The following DNAH14 variants were observed in gnomAD, a reference collection of about 807,000 sequenced individuals.
DNAH14 encodes axonemal beta dynein heavy chain 14.
A neutral mutation model predicts 520.9 loss-of-function variants in DNAH14; 478 were observed. The observed-to-expected ratio is 0.92, with a 90% confidence interval of 0.85 to 0.99. The LOEUF is 0.99. Among genes scored for constraint, DNAH14 ranks in the 50% least tolerant of loss-of-function variants. The probability of loss-of-function intolerance (pLI) is 0.00; values close to 1 mark genes in which losing one functional copy is unlikely to be tolerated. For missense variants in DNAH14, 4,831 were observed against 5,234.5 expected (o/e 0.92, Z 2.38); for synonymous variants, 1,581 against 1,757.2 (o/e 0.90, Z 2.51).
Position 225,374,578 on chromosome 1 carries a change from T to A in DNAH14, c.12319-110T>A, listed in dbSNP as rs185061114. On this transcript the variant is annotated intron_variant, in intron 77 of 85. Transcript: ENST00000682510. ...ACCTGGCCTATTTCTATATATTTTT[T>A]AAAGAGAAAATATATGTAGCTGTTT... The A allele has an allele frequency of 4.4e-3, 4,701 of 1,057,258 alleles. 15 individuals are homozygous for A. The highest frequency in any genetic ancestry group is 0.012 in the Middle Eastern group (43 of 3,490). 65.5% of individuals were successfully genotyped at this position (1,057,258 alleles called of 1,614,324 possible). A position where few individuals can be genotyped will look rare whatever the true frequency, so the allele number is the denominator to read the frequency against.
chr1:225,259,382 TAAG>T (rs1291164517), intron 46 of DNAH14, 129 bp downstream of exon 46: 3 of 663,438 alleles, frequency 4.5e-6, no homozygotes, highest in South Asian at 4.9e-5. Flanking sequence ...AAAGAGGAGA[TAAG>T]AAGAAAATCC....
intron 27 of DNAH14, among the ~76,000 whole-genome samples, chr1:225,131,553 C>G (rs953418070): frequency 2.0e-5 from 3 of 152,074 alleles, no homozygotes; most frequent in Non-Finnish European, 4.4e-5. Context: ...TACATTTGAC[C>G]CACCCAGATA....
intron 17 of DNAH14, among the ~76,000 whole-genome samples, chr1:225,064,025 G>C (rs2070537998): frequency 6.6e-6 from 1 of 152,028 alleles, no homozygotes; most frequent in African/African-American, 2.4e-5. Flanking sequence ...TTTGGATTTT[G>C]TGTATCTAAC....
At chr1:225,340,785 C>T in intron 69 of DNAH14, 84 bp downstream of exon 69, 2 of 1,384,776 alleles carry the variant, frequency 1.4e-6, no homozygotes, top group South Asian at 3.1e-5. Context: ...TGAATTTGAG[C>T]CAAAAATACC....
chr1:225,103,603 C>T (rs1302008748), intron 23 of DNAH14, among the ~76,000 whole-genome samples: 7 of 152,180 alleles, frequency 4.6e-5, no homozygotes, highest in African/African-American at 1.7e-4. Context: ...AGAGGTCCTT[C>T]ACGTCCCTTG....
chr1:225,318,545 G>A, intron 60 of DNAH14, 38 bp from the exon 61 acceptor site: 3 of 1,488,214 alleles, frequency 2.0e-6, no homozygotes, highest in Non-Finnish European at 2.7e-6. Flanking sequence ...CAACTATATT[G>A]ATTCATATGT....
chr1:225,162,974 T>A (rs1402771935), intron 35 of DNAH14, among the ~76,000 whole-genome samples: 1 of 151,572 alleles, frequency 6.6e-6, no homozygotes, highest in East Asian at 1.9e-4. Flanking sequence ...TTGTCTATAC[T>A]AAAAATACAA....
At chr1:224,934,490 T>A in intron 1 of DNAH14, among the ~76,000 whole-genome samples, 1 of 149,988 alleles carries the variant, frequency 6.7e-6, no homozygotes, top group Admixed American at 6.6e-5. Flanking sequence ...TCAGAAAAAA[T>A]AAAGAAAAAA....
intron 79 of DNAH14, among the ~76,000 whole-genome samples, chr1:225,378,875 G>A (rs1388559892): frequency 1.5e-4 from 4 of 26,734 alleles, no homozygotes; most frequent in Admixed American, 5.0e-4. Context: ...GCAAAACTCC[G>A]TCCCAAAAAA....
chr1:225,223,638 G>A (rs1003151105), intron 41 of DNAH14, among the ~76,000 whole-genome samples: 10 of 152,206 alleles, frequency 6.6e-5, no homozygotes, highest in East Asian at 1.9e-4. Flanking sequence ...CCCCCATGGC[G>A]ATTCCTGAAG....
At chr1:225,154,798 C>T (rs1399337955) in intron 34 of DNAH14, among the ~76,000 whole-genome samples, 3 of 151,530 alleles carry the variant, frequency 2.0e-5, no homozygotes, top group African/African-American at 7.3e-5. Flanking sequence ...GACTCTAAAT[C>T]TAGAAGCCAC....
intron 8 of DNAH14, among the ~76,000 whole-genome samples, chr1:225,001,164 C>G (rs1353599883): frequency 6.6e-6 from 1 of 151,508 alleles, no homozygotes; most frequent in East Asian, 1.9e-4. Context: ...TCTTCAGCTT[C>G]AAGTCTGGGA....
rs140056899 is a variant in DNAH14 at position 225,215,893 on chromosome 1, G to A, written c.6439+8673G>A. ...TTTAATTCAAGCATTTAGCCCATTT[G>A]CATTTAAGATTAATATTGTTATGTG... On this transcript the variant is annotated intron_variant, in intron 41 of 85. Coordinates refer to ENST00000682510, the MANE Select transcript of DNAH14 (RefSeq NM_001367479.1). Among the ~76,000 whole-genome samples the A allele has an allele frequency of 2.7e-3, 414 of 152,148 alleles. No individual in the cohort carries two copies. The Middle Eastern group carries it at 0.027, about 10-fold the overall frequency.
chr1:224,951,927 C>T (rs966459105), intron 1 of DNAH14, among the ~76,000 whole-genome samples: 2 of 152,200 alleles, frequency 1.3e-5, no homozygotes, highest in African/African-American at 4.8e-5. Context: ...GCGTGAGCCA[C>T]GGCGCCCGGC....
At chr1:225,304,792 C>A in intron 57 of DNAH14, 116 bp from the exon 58 acceptor site, 1 of 1,002,202 alleles carries the variant, frequency 1.0e-6, no homozygotes, top group Non-Finnish European at 1.4e-6. Flanking sequence ...GCTCTCTCTA[C>A]ATCTCCACAT....
chr1:224,929,848 G>T lies in DNAH14; in HGVS notation c.-34+13G>T. ...CACGGCGCGGCGGGTAAGGTCGTCA[G>T]CGTCTTCCTGTCAGCGGTCGGCAGA... On this transcript the variant is annotated intron_variant, in intron 1 of 85. Coordinates refer to ENST00000682510, the MANE Select transcript of DNAH14 (RefSeq NM_001367479.1). 1.5e-6 allele frequency: 1 copy of T among 676,196 alleles called. No individual in the cohort carries two copies. Among genetic ancestry groups the T allele is most frequent in the Non-Finnish European group, 2.7e-6 (1 of 369,196 alleles). The allele number at this position is 676,196 out of a possible 1,614,324, so 41.9% of individuals were successfully genotyped here.
chr1:225,087,125 C>T (rs1257505211), intron 21 of DNAH14, among the ~76,000 whole-genome samples: 1 of 152,078 alleles, frequency 6.6e-6, no homozygotes, highest in Non-Finnish European at 1.5e-5. Context: ...ATACCACACA[C>T]TGGATGACGT....
intron 1 of DNAH14, among the ~76,000 whole-genome samples, chr1:224,943,941 C>G (rs1018315387): frequency 6.6e-6 from 1 of 151,868 alleles, no homozygotes; most frequent in African/African-American, 2.4e-5. Flanking sequence ...TGAATAAGTG[C>G]GGTGTGGTGC....
chr1:225,395,548 C>A (rs528650174), intron 84 of DNAH14, among the ~76,000 whole-genome samples: 1 of 148,202 alleles, frequency 6.7e-6, no homozygotes, highest in Non-Finnish European at 1.5e-5. Flanking sequence ...GCAGAGATCG[C>A]GCCACTGCGC....
Sources: allele counts gnomAD v4.1 joint callset (sites outside exome capture counted in the v4.1 genomes callset), GRCh38; gene constraint gnomAD v4.1.1; transcripts MANE v1.5; gene names NCBI Gene and HGNC (gene_info 2026-07-23, HGNC 2026-07-21).